Variants in MDGA2 observed in about 807,000 individuals in gnomAD.
MDGA2 encodes MAM domain-containing glycosylphosphatidylinositol anchor protein 2.
MDGA2 carries 40 observed loss-of-function variants against 117.8 expected under a neutral mutation model. The observed-to-expected ratio is 0.34, with a 90% CI of 0.26 to 0.44. The LOEUF is 0.44. MDGA2 is among the 20% of genes least tolerant of loss of function. The pLI, the probability that MDGA2 is intolerant of heterozygous loss-of-function variation, is 1.00. For missense variants in MDGA2, 1,123 were observed against 1,250.6 expected (o/e 0.90, Z 1.54); for synonymous variants, 452 against 439.0 (o/e 1.03, Z -0.37).
chr14:47,623,013 A>G (rs567748208), intron 1 of MDGA2, among the ~76,000 whole-genome samples: 6 of 152,262 alleles, frequency 3.9e-5, no homozygotes, highest in African/African-American at 1.4e-4. Context: ...TTGGAAAAAA[A>G]TCCCCAACGC....
At chr14:47,529,234 G>C (rs1265479818) in intron 1 of MDGA2, among the ~76,000 whole-genome samples, 2 of 151,996 alleles carry the variant, frequency 1.3e-5, no homozygotes, top group African/African-American at 2.4e-5. Flanking sequence ...ACTTTAGCGA[G>C]TTTATTTTCA....
At chr14:47,332,938 T>C (rs1057070735) in intron 1 of MDGA2, among the ~76,000 whole-genome samples, 2 of 151,974 alleles carry the variant, frequency 1.3e-5, no homozygotes, top group East Asian at 1.9e-4. Flanking sequence ...CTTAAGATAA[T>C]AGCCTCTAGT....
intron 2 of MDGA2, among the ~76,000 whole-genome samples, chr14:47,223,484 G>T (rs1262947396): frequency 6.6e-6 from 1 of 152,122 alleles, no homozygotes; most frequent in Non-Finnish European, 1.5e-5. Flanking sequence ...GCTGCTACTT[G>T]TTTTTTACAG....
intron 8 of MDGA2, among the ~76,000 whole-genome samples, chr14:46,962,274 A>G (rs561848965): frequency 1.6e-4 from 25 of 152,172 alleles, no homozygotes; most frequent in Non-Finnish European, 3.2e-4. Flanking sequence ...AGAATGGATA[A>G]CCACATCATC....
chr14:47,455,324 G>A (rs764402772), intron 1 of MDGA2, among the ~76,000 whole-genome samples: 11 of 152,066 alleles, frequency 7.2e-5, no homozygotes, highest in Non-Finnish European at 1.3e-4. Context: ...TGGCCAACAT[G>A]GTGAAACCCC....
At chr14:47,000,334 TA>T (rs1887459983) in intron 8 of MDGA2, among the ~76,000 whole-genome samples, 5 of 43,736 alleles carry the variant, frequency 1.1e-4, no homozygotes, top group Non-Finnish European at 3.0e-4. Flanking sequence ...TATATATATT[TA>T]TATATATATA....
chr14:46,931,692 T>G (rs1884585418), intron 9 of MDGA2, among the ~76,000 whole-genome samples: 1 of 151,964 alleles, frequency 6.6e-6, no homozygotes. Flanking sequence ...TCAGCTAATT[T>G]TTGTATTTTT....
At position 47,057,510 on chromosome 14, in the gene MDGA2, T is replaced by G. The variant is rs550592360; in HGVS notation, c.1525+3739A>C. On this transcript the variant is annotated intron_variant, in intron 7 of 16. Coordinates refer to ENST00000399232, the MANE Select transcript of MDGA2 (RefSeq NM_001113498.3). ...CTCCCAATGAAACAATTTGCATGTT[T>G]AAAGATGAAAGTAAGACAACCTATA... is the stretch of plus-strand genomic sequence containing the variant. Among the ~76,000 whole-genome samples, 11 of 152,238 alleles carry G rather than the reference T, an allele frequency of 7.2e-5. No individual in the cohort carries two copies. The South Asian group carries it at 2.3e-3, about 32-fold the overall frequency.
At chr14:47,597,325 T>A (rs557910124) in intron 1 of MDGA2, among the ~76,000 whole-genome samples, 5 of 152,314 alleles carry the variant, frequency 3.3e-5, no homozygotes, top group African/African-American at 1.2e-4. Flanking sequence ...ATATTTTAAT[T>A]AAAGAAATTA....
intron 1 of MDGA2, among the ~76,000 whole-genome samples, chr14:47,554,485 T>C (rs894038381): frequency 1.3e-5 from 2 of 152,156 alleles, no homozygotes; most frequent in African/African-American, 4.8e-5. Flanking sequence ...CTAAACAGCT[T>C]AGAAGTTGGT....
At chr14:47,069,836 A>C (rs1890215288) in intron 6 of MDGA2, among the ~76,000 whole-genome samples, 1 of 152,166 alleles carries the variant, frequency 6.6e-6, no homozygotes, top group Non-Finnish European at 1.5e-5. Flanking sequence ...GACCAAATAA[A>C]ATAACTTAGA....
intron 1 of MDGA2, among the ~76,000 whole-genome samples, chr14:47,611,549 C>A (rs1896849123): frequency 6.6e-6 from 1 of 151,834 alleles, no homozygotes; most frequent in Admixed American, 6.6e-5. Flanking sequence ...TGGCTAAGGA[C>A]AAGAAGAGAC....
Position 47,194,344 on chromosome 14 carries a change from C to G in MDGA2, c.595+23677G>C, listed in dbSNP as rs145562670. Among the ~76,000 whole-genome samples the G allele has an allele frequency of 2.7e-3, 416 of 152,230 alleles. 2 individuals carry two copies. Among genetic ancestry groups the G allele is most frequent in the African/African-American group, 9.7e-3 (404 of 41,576 alleles). On this transcript the variant is annotated intron_variant, in intron 3 of 16. Coordinates refer to ENST00000399232, the MANE Select transcript of MDGA2 (RefSeq NM_001113498.3). ...TTCTCAAAAACTATTTTCAAAGTAGCTTCATTCTGATGCATATATAGCATA... is the reference window on the plus strand; with the variant it reads ...TTCTCAAAAACTATTTTCAAAGTAGGTTCATTCTGATGCATATATAGCATA...
chr14:47,352,346 A>T (rs905594891), intron 1 of MDGA2, among the ~76,000 whole-genome samples: 2 of 152,154 alleles, frequency 1.3e-5, no homozygotes, highest in African/African-American at 2.4e-5. Flanking sequence ...CCCCTTCCAC[A>T]AAATAACAAC....
intron 8 of MDGA2, chr14:46,996,739 C>T (rs1384876099): frequency 5.7e-6 from 1 of 174,468 alleles, no homozygotes; most frequent in Non-Finnish European, 1.2e-5. Flanking sequence ...GTGGTAACCA[C>T]ACTGTGGTTC....
chr14:46,881,008 TA>T (rs1555331333), intron 11 of MDGA2, among the ~76,000 whole-genome samples: 2 of 45,088 alleles, frequency 4.4e-5, no homozygotes, highest in African/African-American at 1.1e-4. Context: ...AAACTATCAC[TA>T]ACACACACAC....
intron 8 of MDGA2, among the ~76,000 whole-genome samples, chr14:46,993,345 T>C (rs1203735447): frequency 6.6e-6 from 1 of 152,192 alleles, no homozygotes; most frequent in Non-Finnish European, 1.5e-5. Flanking sequence ...TTTAGTTTGG[T>C]TCTCAATTGT....
At chr14:46,906,057 T>C (rs1420567428) in intron 10 of MDGA2, among the ~76,000 whole-genome samples, 2 of 151,968 alleles carry the variant, frequency 1.3e-5, no homozygotes, top group East Asian at 3.9e-4. Context: ...AATTTACTAA[T>C]AGCATATAAT....
Position 46,986,715 on chromosome 14 carries a change from ATTGT to A in MDGA2, c.1820-29076_1820-29073del, listed in dbSNP as rs138506210. On this transcript the variant is annotated intron_variant, in intron 8 of 16. Transcript: ENST00000399232. ...TGCTGTCTTATAAACACACTGGCAA[ATTGT>A]TTGTCCCAAAGCATCAAGAGTAAGC... Among the ~76,000 whole-genome samples, 467 of 152,202 alleles carry A rather than the reference ATTGT, an allele frequency of 3.1e-3. 3 individuals carry two copies. The highest frequency in any genetic ancestry group is 0.011 in the African/African-American group (441 of 41,560).
Sources: allele counts gnomAD v4.1 joint callset (sites outside exome capture counted in the v4.1 genomes callset), GRCh38; gene constraint gnomAD v4.1.1; transcripts MANE v1.5; gene names NCBI Gene and HGNC (gene_info 2026-07-23, HGNC 2026-07-21).